CCNH: variants seen among roughly 807,000 people sequenced by gnomAD.
CCNH encodes the protein cyclin H.
In CCNH, 31 loss-of-function variants were observed where a neutral mutation model predicts 41.9. The ratio of observed to expected loss-of-function variants is 0.74; its 90% confidence interval spans 0.56 to 1.00. The LOEUF (loss-of-function observed/expected upper bound fraction) is 1.00, where lower values mean the gene tolerates loss of function less well. Among genes scored for constraint, CCNH ranks in the 50% least tolerant of loss-of-function variants. The pLI is 0.00. For synonymous variants in CCNH, 138 were observed against 136.1 expected (o/e 1.01, Z -0.10); for missense variants, 362 against 388.4 (o/e 0.93, Z 0.57).
intron 8 of CCNH, 27 bp downstream of exon 8, chr5:87,395,017 A>G (rs1416690833): frequency 5.6e-6 from 9 of 1,610,998 alleles, no homozygotes; most frequent in Non-Finnish European, 6.8e-6. Flanking sequence ...AAAATAACTT[A>G]GAGTTCATCT....
At chr5:87,387,527 C>T (rs1277600048), downstream of CCNH, among the ~76,000 whole-genome samples, 3 of 152,152 alleles carry the variant, frequency 2.0e-5, no homozygotes, top group East Asian at 5.8e-4. Flanking sequence ...TTAAACTAAA[C>T]TTATTAGTAA....
intron 9 of CCNH, among the ~76,000 whole-genome samples, chr5:87,363,005 T>C (rs955514966): frequency 8.6e-5 from 13 of 151,824 alleles, no homozygotes; most frequent in African/African-American, 3.1e-4. Flanking sequence ...TTTTGGGGAA[T>C]TGTGGGTGGG....
intron 9 of CCNH, chr5:87,385,410 T>C (rs762531000): frequency 1.3e-6 from 2 of 1,519,210 alleles, no homozygotes; most frequent in Non-Finnish European, 9.1e-7. Flanking sequence ...TTTGATACTT[T>C]AAAATGTAAT....
intron 9 of CCNH, among the ~76,000 whole-genome samples, chr5:87,320,582 A>G (rs1195607565): frequency 1.3e-5 from 2 of 152,148 alleles, no homozygotes; most frequent in East Asian, 3.9e-4. Context: ...ACACACTTTT[A>G]AACCATCAGA....
chr5:87,331,319 T>C, intron 9 of CCNH: 3 of 1,569,256 alleles, frequency 1.9e-6, no homozygotes, highest in Non-Finnish European at 2.6e-6. Flanking sequence ...GCTATTTATA[T>C]TGTAATATCT....
At chr5:87,388,486 A>G (rs750586673), downstream of CCNH, among the ~76,000 whole-genome samples, 2 of 152,182 alleles carry the variant, frequency 1.3e-5, no homozygotes, top group Non-Finnish European at 1.5e-5. Context: ...GAAAATCTCC[A>G]ATTTTGGATT....
intron 8 of CCNH, 27 bp from the exon 9 acceptor site, chr5:87,394,511 G>T (rs556179482): frequency 1.9e-6 from 3 of 1,612,612 alleles, no homozygotes; most frequent in Non-Finnish European, 2.5e-6. Context: ...GTGTGGTAAG[G>T]ATAACACTGA....
In CCNH at chr5:87,404,932, T is replaced by C. The variant is rs1763679413; in HGVS notation, c.601A>G (p.Thr201Ala). The C allele has an allele frequency of 6.2e-7, 1 of 1,612,946 alleles. No homozygotes were observed. The highest frequency in any genetic ancestry group is 1.3e-5 in the African/African-American group (1 of 74,896). Residue 201 changes from threonine to alanine, a missense_variant, in exon 5 of 9, where the codon ACG (threonine) becomes GCG (alanine). Coordinates refer to ENST00000256897, the MANE Select transcript of CCNH (RefSeq NM_001239.4). Reference protein sequence around the residue: ...ADDFLNRIALTDAYLLYTPSQ... With the variant: ...ADDFLNRIALADAYLLYTPSQ... Reference sequence around the variant, plus strand: ...GGTGTGTATAAAAGGTAAGCATCCGTCAATGCAATTCTATTAAGAAAGTCA... The same window carrying C: ...GGTGTGTATAAAAGGTAAGCATCCGCCAATGCAATTCTATTAAGAAAGTCA...
At chr5:87,320,570 CCA>C (rs1177288786) in intron 9 of CCNH, among the ~76,000 whole-genome samples, 1 of 152,102 alleles carries the variant, frequency 6.6e-6, no homozygotes, top group Non-Finnish European at 1.5e-5. Flanking sequence ...TGGGGAAGCG[CCA>C]CACACTTTTA....
At chr5:87,374,459 AT>A (rs770426797), downstream of CCNH, 25,614 of 166,486 alleles carry the variant, frequency 0.15, 1,091 homozygotes, top group Middle Eastern at 0.27. Flanking sequence ...ATATATATAT[AT>A]TTTTTTTTTT....
rs1378244311 is a variant in CCNH, at chr5:87,360,657, C to G, written c.*90+32113G>C. On this transcript the variant is annotated intron_variant and NMD_transcript_variant, in intron 9 of 9. Transcript: ENST00000645953. The stretch of plus-strand genomic sequence containing the variant: ...TATTAAGTAAATTTTGATGTACATA[C>G]AAAAATTTAGTCTCATTTCTTTTTA... Among the ~76,000 whole-genome samples, 3 of 152,162 alleles carry G rather than the reference C, an allele frequency of 2.0e-5. No homozygotes were observed. In the East Asian group the frequency reaches 5.8e-4, roughly 29 times the overall value.
At chr5:87,383,842 T>C (rs1341393920) in intron 9 of CCNH, 3 of 1,370,980 alleles carry the variant, frequency 2.2e-6, no homozygotes, top group Admixed American at 1.8e-5. Flanking sequence ...TCATACTATT[T>C]AAGAATACTC....
chr5:87,393,218 C>T (rs1455722403), downstream of CCNH, among the ~76,000 whole-genome samples: 1 of 152,024 alleles, frequency 6.6e-6, no homozygotes. Flanking sequence ...CTGGGATGTA[C>T]TGAGACTGAG....
At chr5:87,358,377 A>G (rs980913405) in intron 9 of CCNH, among the ~76,000 whole-genome samples, 10 of 152,212 alleles carry the variant, frequency 6.6e-5, no homozygotes, top group African/African-American at 2.4e-4. Flanking sequence ...TGACACTACA[A>G]TGATGCCTAT....
chr5:87,387,461 T>C (rs1762141865), downstream of CCNH, among the ~76,000 whole-genome samples: 1 of 152,166 alleles, frequency 6.6e-6, no homozygotes, highest in Non-Finnish European at 1.5e-5. Context: ...GACCCTGCCT[T>C]TCTTAATCAA....
At chr5:87,355,351 C>G (rs1296897901) in intron 9 of CCNH, among the ~76,000 whole-genome samples, 1 of 152,124 alleles carries the variant, frequency 6.6e-6, no homozygotes, top group East Asian at 1.9e-4. Context: ...TTCTGAAAAT[C>G]CTAGGAGCAT....
chr5:87,319,820 C>G (rs1012509774), intron 9 of CCNH, among the ~76,000 whole-genome samples: 2 of 152,174 alleles, frequency 1.3e-5, no homozygotes, highest in African/African-American at 4.8e-5. Flanking sequence ...ATTTCTCCCC[C>G]CAAAATGGGT....
At chr5:87,374,806 AT>A, downstream of CCNH, 3 of 1,606,334 alleles carry the variant, frequency 1.9e-6, no homozygotes, top group Middle Eastern at 1.7e-4. Flanking sequence ...ATGCCAAAAC[AT>A]TTTGTTAATT....
downstream of CCNH, chr5:87,374,132 A>AT (rs1761145787): frequency 8.4e-7 from 1 of 1,192,950 alleles, no homozygotes; most frequent in African/African-American, 1.6e-5. Context: ...AATCTGGGGT[A>AT]ATATATATAT....
Sources: allele counts gnomAD v4.1 joint callset (sites outside exome capture counted in the v4.1 genomes callset), GRCh38; gene constraint gnomAD v4.1.1; transcripts MANE v1.5; gene names NCBI Gene and HGNC (gene_info 2026-07-23, HGNC 2026-07-21).